The following SIK2 variants were observed in gnomAD, a reference collection of about 807,000 sequenced individuals.
SIK2 encodes serine/threonine-protein kinase SIK2.
A neutral mutation model predicts 103.2 loss-of-function variants in SIK2; 29 were observed. The ratio of observed to expected loss-of-function variants is 0.28; its 90% confidence interval spans 0.21 to 0.38. SIK2 has a LOEUF of 0.38. Among genes scored for constraint, SIK2 ranks in the 10% least tolerant of loss-of-function variants. SIK2 has a pLI of 1.00. For synonymous variants in SIK2, 412 were observed against 446.1 expected (o/e 0.92, Z 0.96); for missense variants, 879 against 1,171.0 (o/e 0.75, Z 3.64).
At chr11:111,658,639 G>C (rs1394435757) in intron 3 of SIK2, among the ~76,000 whole-genome samples, 1 of 152,070 alleles carries the variant, frequency 6.6e-6, no homozygotes, top group Non-Finnish European at 1.5e-5. Context: ...GCTACTCAGA[G>C]GCTGAGGTAG....
At position 111,719,818 on chromosome 11, in the gene SIK2, G is replaced by A. The variant is rs757622555; in HGVS notation, c.1310G>A (p.Arg437Gln). The change falls in exon 10 of 15, where the codon CGG becomes CAG. Residue 437 changes from arginine (R) to glutamine (Q), a missense_variant. Arg to Gln is a conservative substitution (Grantham distance 43). Around this residue, in one of 7 missense-constraint regions of SIK2, gnomAD observed 222 missense variants for 258.0 expected, o/e 0.86. Transcript: ENST00000304987. Reference sequence around the variant, plus strand: ...GACCCTGTGCCTCCTGTCCTGGTGCGGAAGGGATGCCAGTCACTGCCCAGC... The same window carrying A: ...GACCCTGTGCCTCCTGTCCTGGTGCAGAAGGGATGCCAGTCACTGCCCAGC... ...LLDPVPPVLV[R>Q]KGCQSLPSNM... 29 of 1,613,924 alleles carry A rather than the reference G, an allele frequency of 1.8e-5. No individual in the cohort carries two copies. The highest frequency in any genetic ancestry group is 5.5e-5 in the South Asian group (5 of 91,062).
chr11:111,677,984 A>G (rs964261785), intron 3 of SIK2, among the ~76,000 whole-genome samples: 6 of 152,200 alleles, frequency 3.9e-5, no homozygotes, highest in Non-Finnish European at 7.3e-5. Flanking sequence ...GTGGCTATCA[A>G]TATTTTAAGA....
intron 8 of SIK2, among the ~76,000 whole-genome samples, chr11:111,712,003 G>A (rs569113569): frequency 2.0e-5 from 3 of 152,188 alleles, no homozygotes; most frequent in Non-Finnish European, 4.4e-5. Context: ...AATTCTGTAC[G>A]ACCTCTTTCA....
chr11:111,603,792 C>G (rs956898751), intron 1 of SIK2, among the ~76,000 whole-genome samples: 2 of 152,142 alleles, frequency 1.3e-5, no homozygotes, highest in Admixed American at 1.3e-4. Flanking sequence ...TTTGTTTGCC[C>G]TCCAGTTTTG....
Position 111,726,989 on chromosome 11 carries a change from C to G in SIK2, c.*2860C>G. Reference sequence around the variant, plus strand: ...ATTAGTCTGTGCTTTGGGAGAAATGCACTAGCTCTGCAATTCCCAGCTGGG... The same window carrying G: ...ATTAGTCTGTGCTTTGGGAGAAATGGACTAGCTCTGCAATTCCCAGCTGGG... On this transcript the variant is annotated 3_prime_UTR_variant, in exon 15 of 15. Coordinates refer to ENST00000304987, the MANE Select transcript of SIK2 (RefSeq NM_015191.3). 3 of 1,614,054 alleles carry G rather than the reference C, an allele frequency of 1.9e-6. No homozygotes were observed. Among genetic ancestry groups the G allele is most frequent in the Non-Finnish European group, 2.5e-6 (3 of 1,179,924 alleles).
At chr11:111,677,491 C>G (rs544903020) in intron 3 of SIK2, among the ~76,000 whole-genome samples, 1 of 151,966 alleles carries the variant, frequency 6.6e-6, no homozygotes, top group Non-Finnish European at 1.5e-5. Context: ...GGTCTCAGCT[C>G]ACTGCAACCT....
At chr11:111,703,879 T>C (rs1193264894) in intron 7 of SIK2, among the ~76,000 whole-genome samples, 1 of 152,174 alleles carries the variant, frequency 6.6e-6, no homozygotes, top group African/African-American at 2.4e-5. Flanking sequence ...ACAGGTGGGC[T>C]CCTGATTTGG....
At chr11:111,689,320 G>A (rs953579275) in intron 4 of SIK2, among the ~76,000 whole-genome samples, 5 of 152,182 alleles carry the variant, frequency 3.3e-5, no homozygotes, top group African/African-American at 1.2e-4. Context: ...GTGGAATTGG[G>A]ATAACATGAT....
At chr11:111,622,487 A>G (rs529229) in intron 3 of SIK2, among the ~76,000 whole-genome samples, 146,674 of 152,056 alleles carry the variant, frequency 0.96, 70,975 homozygotes, top group East Asian at 1. Context: ...ATCACCTGAC[A>G]TCGTGATCCG....
At chr11:111,619,782 T>A (rs1480296900) in intron 2 of SIK2, among the ~76,000 whole-genome samples, 4 of 152,246 alleles carry the variant, frequency 2.6e-5, no homozygotes, top group African/African-American at 9.6e-5. Context: ...TATGAAACTT[T>A]TAAACAATTA....
chr11:111,626,699 A>G (rs1941965403), intron 3 of SIK2, among the ~76,000 whole-genome samples: 1 of 99,234 alleles, frequency 1.0e-5, no homozygotes, highest in Non-Finnish European at 2.1e-5. Flanking sequence ...TCTAGTAATG[A>G]CCATTAACTA....
At chr11:111,677,656 T>C (rs1243577765) in intron 3 of SIK2, among the ~76,000 whole-genome samples, 1 of 141,452 alleles carries the variant, frequency 7.1e-6, no homozygotes, top group African/African-American at 2.6e-5. Context: ...CTCGAACCCC[T>C]GACCTCCAGT....
rs562015132 is a variant in SIK2, at chr11:111,621,183, C to T, written c.316+781C>T. Among the ~76,000 whole-genome samples, 6 of 152,300 alleles carry T rather than the reference C, an allele frequency of 3.9e-5. No homozygotes were observed. The East Asian group carries it at 9.6e-4, about 24-fold the overall frequency. ...GAAACAGTCACCACAGTCAAAATAT[C>T]CATCACTTCCAGAAGTTTCTTTGTG... On this transcript the variant is annotated intron_variant, in intron 3 of 14. Coordinates refer to ENST00000304987, the MANE Select transcript of SIK2 (RefSeq NM_015191.3).
chr11:111,676,904 A>G (rs1942710070), intron 3 of SIK2, among the ~76,000 whole-genome samples: 1 of 152,242 alleles, frequency 6.6e-6, no homozygotes, highest in Non-Finnish European at 1.5e-5. Flanking sequence ...AGAATGTGTT[A>G]GAAGTGTAAC....
At chr11:111,679,633 CTAAT>C (rs760620597) in intron 3 of SIK2, among the ~76,000 whole-genome samples, 30 of 152,062 alleles carry the variant, frequency 2.0e-4, no homozygotes, top group Admixed American at 1.3e-4. Flanking sequence ...CCACGTTATC[CTAAT>C]TAATACAGAA....
chr11:111,718,906 G>C (rs942924101), intron 9 of SIK2: 4 of 152,280 alleles, frequency 2.6e-5, no homozygotes, highest in African/African-American at 9.6e-5. Context: ...TTACCAGCCA[G>C]AACTTGCAAC....
chr11:111,699,474 C>G (rs983639163), intron 4 of SIK2, among the ~76,000 whole-genome samples: 1 of 152,170 alleles, frequency 6.6e-6, no homozygotes, highest in Non-Finnish European at 1.5e-5. Context: ...AGCATCCTAT[C>G]TGGGTAGGTG....
At chr11:111,658,680 G>A (rs1942427610) in intron 3 of SIK2, among the ~76,000 whole-genome samples, 1 of 152,084 alleles carries the variant, frequency 6.6e-6, no homozygotes, top group Non-Finnish European at 1.5e-5. Flanking sequence ...GATCAAGGAT[G>A]CAGTGAGCCA....
intron 3 of SIK2, chr11:111,671,234 AG>A: frequency 3.8e-6 from 1 of 263,500 alleles, no homozygotes; most frequent in South Asian, 4.6e-5. Context: ...AGCTTGCAGT[AG>A]GTAGTGATCT....
Sources: gnomAD v4.1 joint callset for allele counts (sites outside exome capture counted in the v4.1 genomes callset) on GRCh38, gnomAD v4.1.1 for gene constraint, gnomAD v4.1.1 regional missense constraint, MANE v1.5 for transcripts, NCBI Gene and HGNC (gene_info 2026-07-23, HGNC 2026-07-21) for gene names.